The following EXT2 variants were observed in gnomAD, a reference collection of about 807,000 sequenced individuals.
EXT2 encodes the protein exostosin glycosyltransferase 2.
Under a neutral mutation model 81.6 loss-of-function variants are expected in EXT2, and 53 were observed. The ratio of observed to expected loss-of-function variants is 0.65; its 90% CI spans 0.52 to 0.82. EXT2 has a LOEUF of 0.82. EXT2 is among the 40% of genes least tolerant of loss of function. The pLI, the probability that EXT2 is intolerant of heterozygous loss-of-function variation, is 0.00. For synonymous variants in EXT2, 320 were observed against 340.0 expected, an observed-to-expected ratio of 0.94 and a Z score of 0.65; for missense variants, 774 against 910.2, an observed-to-expected ratio of 0.85 and a Z score of 1.93.
intron 10 of EXT2, among the ~76,000 whole-genome samples, chr11:44,221,751 T>C (rs1180819625): frequency 6.6e-6 from 1 of 152,184 alleles, no homozygotes; most frequent in Non-Finnish European, 1.5e-5. Context: ...AAGACGGCAG[T>C]GTATGTAGCT....
chr11:44,167,946 C>A (rs373263207), intron 7 of EXT2, among the ~76,000 whole-genome samples: 43 of 151,604 alleles, frequency 2.8e-4, no homozygotes, highest in African/African-American at 1.0e-3. Flanking sequence ...GTATATCTCC[C>A]AATGCTATCC....
At chr11:44,183,878 T>C (rs764769181) in intron 8 of EXT2, among the ~76,000 whole-genome samples, 7 of 152,206 alleles carry the variant, frequency 4.6e-5, no homozygotes, top group Non-Finnish European at 5.9e-5. Flanking sequence ...AGACACTTAC[T>C]TTATATTCTT....
chr11:44,126,957 T>G lies in EXT2; in HGVS notation c.1079+2T>G. ...CTCTGAAGTTCTTGACTGGAAGAGG[T>G]GGGTAGTACCTCCTAGTAAACTCTA... On this transcript the variant is annotated splice_donor_variant, in intron 6 of 13. Coordinates refer to ENST00000533608, the MANE Select transcript of EXT2 (RefSeq NM_207122.2). LOFTEE classifies it high-confidence loss of function. 1 of 1,614,118 alleles carries G rather than the reference T, an allele frequency of 6.2e-7. No homozygotes were observed. The highest frequency in any genetic ancestry group is 8.5e-7 in the Non-Finnish European group (1 of 1,179,988).
Position 44,245,507 on chromosome 11 carries a change from A to G in EXT2, c.*1220A>G. ...GCGAATGTTAAATGTTATGGATTCG[A>G]AACAGATTTATCTGGCTCTGATATT... is the stretch of plus-strand genomic sequence containing the variant. On this transcript the variant is annotated 3_prime_UTR_variant, in exon 14 of 14. Coordinates refer to ENST00000533608, the MANE Select transcript of EXT2 (RefSeq NM_207122.2). 5.6e-6 allele frequency: 1 copy of G among 179,040 alleles called. No individual in the cohort carries two copies. Among genetic ancestry groups the G allele is most frequent in the Non-Finnish European group, 1.2e-5 (1 of 83,466 alleles). 11.1% of individuals were successfully genotyped at this position (179,040 alleles called of 1,614,324 possible).
At chr11:44,174,555 A>G (rs1014890661) in intron 8 of EXT2, among the ~76,000 whole-genome samples, 2 of 152,064 alleles carry the variant, frequency 1.3e-5, no homozygotes, top group Admixed American at 6.5e-5. Flanking sequence ...ATTTGTGTAC[A>G]GACACATTTT....
At chr11:44,163,978 T>G (rs1319967721) in intron 7 of EXT2, among the ~76,000 whole-genome samples, 1 of 152,202 alleles carries the variant, frequency 6.6e-6, no homozygotes. Flanking sequence ...ATAGTTACAC[T>G]ATATTAGAGT....
chr11:44,106,170 T>C (rs1352240915), intron 1 of EXT2, among the ~76,000 whole-genome samples: 2 of 152,218 alleles, frequency 1.3e-5, no homozygotes, highest in African/African-American at 4.8e-5. Flanking sequence ...TAGCCTAGAT[T>C]CATGGGGAAG....
chr11:44,207,849 A>G (rs185238946), intron 10 of EXT2, among the ~76,000 whole-genome samples: 38 of 152,282 alleles, frequency 2.5e-4, no homozygotes, highest in Middle Eastern at 3.4e-3. Context: ...GGACAAGGAA[A>G]AGGAATCCCC....
intron 8 of EXT2, among the ~76,000 whole-genome samples, chr11:44,181,579 G>C (rs1367020030): frequency 6.6e-6 from 1 of 151,910 alleles, no homozygotes; most frequent in Non-Finnish European, 1.5e-5. Flanking sequence ...TATTTTCTCA[G>C]TTTTGTATTC....
intron 8 of EXT2, among the ~76,000 whole-genome samples, chr11:44,189,734 C>T (rs1261913824): frequency 6.6e-6 from 1 of 152,224 alleles, no homozygotes; most frequent in Non-Finnish European, 1.5e-5. Flanking sequence ...TGAGCAGGAA[C>T]ACAAATCCAA....
At chr11:44,163,474 G>A (rs1177647198) in intron 7 of EXT2, among the ~76,000 whole-genome samples, 2 of 152,156 alleles carry the variant, frequency 1.3e-5, no homozygotes, top group Admixed American at 6.5e-5. Flanking sequence ...AGAGCCTGTT[G>A]GACACAGGGC....
Position 44,109,465 on chromosome 11 carries a change from T to C in EXT2, c.626+182T>C, listed in dbSNP as rs1281400624. Among the ~76,000 whole-genome samples, 5 of 152,240 alleles carry C rather than the reference T, an allele frequency of 3.3e-5. No homozygotes were observed. In the East Asian group the frequency reaches 9.6e-4, roughly 29 times the overall value. The stretch of plus-strand genomic sequence containing the variant: ...CTTAAATCTTTTATGGAAAACCAGT[T>C]AGGGCTTATGTCCTGGCATAGCCTC... On this transcript the variant is annotated intron_variant, in intron 3 of 13. Transcript: ENST00000533608.
intron 13 of EXT2, among the ~76,000 whole-genome samples, chr11:44,238,053 C>T (rs1807763): frequency 0.098 from 14,841 of 151,960 alleles, 871 homozygotes; most frequent in African/African-American, 0.16. Flanking sequence ...CGTGCCATTG[C>T]ACTCCAGCCT....
At position 44,201,273 on chromosome 11, in the gene EXT2, C is replaced by T. The variant is rs369262070; in HGVS notation, c.1495+3255C>T. ...TTCTGTCTGCATTCTAGGGGTCACC[C>T]CATATTCTTCTGTTTAGACCTCTTC... On this transcript the variant is annotated intron_variant, in intron 9 of 13. Transcript: ENST00000533608. 1.8e-3 allele frequency among the ~76,000 whole-genome samples: 280 copies of T among 152,232 alleles called. 1 individual carries two copies. Among genetic ancestry groups the T allele is most frequent in the African/African-American group, 6.4e-3 (267 of 41,520 alleles).
intron 10 of EXT2, 126 bp from the exon 11 acceptor site, chr11:44,232,227 A>G (rs1564986459): frequency 1.4e-5 from 18 of 1,260,362 alleles, no homozygotes; most frequent in Non-Finnish European, 1.9e-5. Context: ...CCAGAATCCC[A>G]TTATGACCTT....
chr11:44,238,872 C>T (rs895181314), intron 13 of EXT2, among the ~76,000 whole-genome samples: 1 of 152,180 alleles, frequency 6.6e-6, no homozygotes, highest in Non-Finnish European at 1.5e-5. Flanking sequence ...CCTATTAGTG[C>T]TGGACTCCAA....
intron 1 of EXT2, chr11:44,096,178 C>T (rs2134932253): frequency 7.2e-7 from 1 of 1,395,904 alleles, no homozygotes; most frequent in Non-Finnish European, 9.8e-7. Flanking sequence ...ACCCGCCCTC[C>T]GCCCTCCGCC....
intron 8 of EXT2, among the ~76,000 whole-genome samples, chr11:44,177,254 T>C (rs1330775421): frequency 6.6e-6 from 1 of 152,264 alleles, no homozygotes; most frequent in African/African-American, 2.4e-5. Flanking sequence ...CTGTTCATGT[T>C]AAGGCTGCCT....
chr11:44,156,562 T>A (rs1430196874), intron 7 of EXT2, among the ~76,000 whole-genome samples: 2 of 152,208 alleles, frequency 1.3e-5, no homozygotes, highest in Non-Finnish European at 2.9e-5. Context: ...CTGCTTGATT[T>A]TCAAAAATTA....
Sources: allele counts gnomAD v4.1 joint callset (sites outside exome capture counted in the v4.1 genomes callset), GRCh38; gene constraint gnomAD v4.1.1; transcripts MANE v1.5; gene names NCBI Gene and HGNC (gene_info 2026-07-23, HGNC 2026-07-21).